FOXP1: variants seen among roughly 807,000 people sequenced by gnomAD.
FOXP1 encodes forkhead box protein P1.
A neutral mutation model predicts 98.2 loss-of-function variants in FOXP1; 15 were observed. The ratio of observed to expected loss-of-function variants is 0.15; its 90% CI spans 0.10 to 0.24. The LOEUF (loss-of-function observed/expected upper bound fraction) is 0.24, where lower values mean the gene tolerates loss of function less well. FOXP1 is among the 10% of genes least tolerant of loss of function. The pLI is 1.00. For synonymous variants in FOXP1, 371 were observed against 314.5 expected (o/e 1.18, Z -1.90); for missense variants, 633 against 848.5 (o/e 0.75, Z 3.15).
chr3:71,574,020 C>CT (rs1252044587), intron 2 of FOXP1: 1 of 152,218 alleles, frequency 6.6e-6, no homozygotes, highest in Non-Finnish European at 1.5e-5. Context: ...GCCGTCTATT[C>CT]TTTCAATCAG....
At chr3:71,473,708 T>C (rs2089566347) in intron 3 of FOXP1, among the ~76,000 whole-genome samples, 1 of 148,790 alleles carries the variant, frequency 6.7e-6, no homozygotes, top group Admixed American at 6.8e-5. Context: ...CAAATTATGG[T>C]TTAAACTGGT....
intron 13 of FOXP1, among the ~76,000 whole-genome samples, chr3:70,998,145 G>C (rs1209006514): frequency 6.6e-6 from 1 of 152,204 alleles, no homozygotes; most frequent in African/African-American, 2.4e-5. Context: ...TTGACCAGGG[G>C]TGCCTGGCAA....
intron 13 of FOXP1, among the ~76,000 whole-genome samples, chr3:70,994,893 C>G (rs1316551958): frequency 6.6e-6 from 1 of 152,108 alleles, no homozygotes; most frequent in Non-Finnish European, 1.5e-5. Flanking sequence ...CTTCATCCAT[C>G]AGAAAAAATA....
At position 71,114,232 on chromosome 3, in the gene FOXP1, A is replaced by T. The variant is rs140190779; in HGVS notation, c.181-1595T>A. Among the ~76,000 whole-genome samples, 98 of 152,274 alleles carry T rather than the reference A, an allele frequency of 6.4e-4. No individual in the cohort carries two copies. In the East Asian group the frequency reaches 0.012, roughly 19 times the overall value. On this transcript the variant is annotated intron_variant, in intron 6 of 20. Transcript: ENST00000649528. ...ACAGGTGCTTCATTTACATAAGAAA[A>T]CAACATGGATATTTACAAGAAAAGT...
At chr3:71,280,473 A>G (rs990126314) in intron 5 of FOXP1, among the ~76,000 whole-genome samples, 1 of 151,834 alleles carries the variant, frequency 6.6e-6, no homozygotes, top group Admixed American at 6.6e-5. Context: ...GGTGCCCACC[A>G]CCATGCTCGG....
intron 3 of FOXP1, among the ~76,000 whole-genome samples, chr3:71,378,131 A>G (rs893359383): frequency 7.3e-5 from 11 of 151,610 alleles, no homozygotes; most frequent in Non-Finnish European, 1.0e-4. Context: ...TTTGAGATTT[A>G]ACATCAGATG....
At chr3:71,487,649 G>A (rs1371145429) in intron 3 of FOXP1, among the ~76,000 whole-genome samples, 2 of 152,198 alleles carry the variant, frequency 1.3e-5, no homozygotes, top group East Asian at 1.9e-4. Context: ...CTATAAAATC[G>A]AAAGTGTGTC....
At chr3:70,979,923 A>AAAC (rs1480981530) in intron 14 of FOXP1, among the ~76,000 whole-genome samples, 5 of 152,220 alleles carry the variant, frequency 3.3e-5, no homozygotes, top group African/African-American at 1.2e-4. Context: ...ATGGCGCTGG[A>AAAC]AACAGAATGT....
chr3:71,435,945 G>A (rs565976102), intron 3 of FOXP1, among the ~76,000 whole-genome samples: 7 of 102,252 alleles, frequency 6.8e-5, no homozygotes, highest in East Asian at 2.8e-4. Context: ...GGGAGGAAGG[G>A]ACGGAGGGAG....
rs2107125688 is a variant in FOXP1 at position 71,497,348 on chromosome 3, GAA to G, written c.-297-3795_-297-3794del. The stretch of plus-strand genomic sequence containing the variant: ...GACCAAAAAGAAACAATTTCCAGGA[GAA>G]AGTTTTTTGATTTAAGAAGGTAGGG... On this transcript the variant is annotated intron_variant, in intron 2 of 20. Transcript: ENST00000649528. Among the ~76,000 whole-genome samples, 3 of 152,268 alleles carry G rather than the reference GAA, an allele frequency of 2.0e-5. No individual in the cohort carries two copies. The South Asian group carries it at 6.2e-4, about 32-fold the overall frequency.
chr3:71,574,596 G>C (rs1424964120), intron 2 of FOXP1: 1 of 152,066 alleles, frequency 6.6e-6, no homozygotes, highest in Non-Finnish European at 1.5e-5. Flanking sequence ...AATTTCCCAA[G>C]ATGCTTGGGA....
At chr3:71,226,811 G>A (rs901722944) in intron 5 of FOXP1, among the ~76,000 whole-genome samples, 2 of 152,136 alleles carry the variant, frequency 1.3e-5, no homozygotes, top group South Asian at 2.1e-4. Flanking sequence ...TACCTTGCTC[G>A]TTCTCAGGCT....
chr3:71,146,246 G>A (rs1463486858), intron 6 of FOXP1, among the ~76,000 whole-genome samples: 1 of 152,152 alleles, frequency 6.6e-6, no homozygotes, highest in African/African-American at 2.4e-5. Context: ...ACCATCCCAG[G>A]TAATAAATCA....
At chr3:71,461,117 T>C (rs2088051304) in intron 3 of FOXP1, among the ~76,000 whole-genome samples, 1 of 152,220 alleles carries the variant, frequency 6.6e-6, no homozygotes, top group Admixed American at 6.5e-5. Context: ...AAAGACTTTG[T>C]CCATTCTTGA....
At chr3:71,479,580 G>A (rs942152721) in intron 3 of FOXP1, among the ~76,000 whole-genome samples, 1 of 150,198 alleles carries the variant, frequency 6.7e-6, no homozygotes, top group Non-Finnish European at 1.5e-5. Context: ...TCAGGAGGCT[G>A]AGGCAGGAGA....
At chr3:71,348,291 C>T (rs1409161187) in intron 4 of FOXP1, among the ~76,000 whole-genome samples, 1 of 152,080 alleles carries the variant, frequency 6.6e-6, no homozygotes, top group East Asian at 1.9e-4. Flanking sequence ...TTCATAAAGG[C>T]CAGACTTCAG....
At chr3:71,521,372 C>T (rs1174016456) in intron 2 of FOXP1, among the ~76,000 whole-genome samples, 4 of 152,040 alleles carry the variant, frequency 2.6e-5, no homozygotes, top group Non-Finnish European at 4.4e-5. Flanking sequence ...ACTAAAAATA[C>T]AAAAATTAGC....
In FOXP1 at chr3:71,239,143, T is replaced by A. The variant is rs963224714; in HGVS notation, c.-11-40751A>T. The stretch of plus-strand genomic sequence containing the variant: ...AATATGTGATTGCATTTGAGCTTGG[T>A]CTGTACTGAGAAAATCCAGTCTACA... On this transcript the variant is annotated intron_variant, in intron 5 of 20. Transcript: ENST00000649528. Among the ~76,000 whole-genome samples, 7 of 152,294 alleles carry A rather than the reference T, an allele frequency of 4.6e-5. No homozygotes were observed. In the South Asian group the frequency reaches 1.0e-3, roughly 23 times the overall value.
intron 11 of FOXP1, among the ~76,000 whole-genome samples, chr3:71,033,277 G>A (rs146933625): frequency 1.3e-5 from 2 of 152,220 alleles, no homozygotes; most frequent in African/African-American, 2.4e-5. Context: ...GAAATGGGGG[G>A]TCCAAAGATG....
Sources: gnomAD v4.1 joint callset for allele counts (sites outside exome capture counted in the v4.1 genomes callset) on GRCh38, gnomAD v4.1.1 for gene constraint, MANE v1.5 for transcripts, NCBI Gene and HGNC (gene_info 2026-07-23, HGNC 2026-07-21) for gene names.